Variants in IQCM observed in about 807,000 individuals in gnomAD.
IQCM encodes the protein IQ motif containing M.
IQCM carries 45 observed loss-of-function variants against 57.6 expected under a neutral mutation model. That is an observed-to-expected ratio of 0.78 (90% CI 0.62 to 1.00). The LOEUF is 1.00. Among genes scored for constraint, IQCM ranks in the 50% least tolerant of loss-of-function variants. IQCM has a pLI of 0.00. For missense variants in IQCM, 468 were observed against 511.6 expected (o/e 0.91, Z 0.82); for synonymous variants, 148 against 158.9 (o/e 0.93, Z 0.51).
At chr4:149,789,785 C>T (rs901865279) in intron 2 of IQCM, among the ~76,000 whole-genome samples, 2 of 149,764 alleles carry the variant, frequency 1.3e-5, no homozygotes, top group African/African-American at 5.1e-5. Context: ...GCCTGTGGTC[C>T]CAGATACTCA....
intron 13 of IQCM, among the ~76,000 whole-genome samples, chr4:149,366,275 G>A (rs549490276): frequency 1.4e-4 from 21 of 152,122 alleles, no homozygotes; most frequent in Admixed American, 5.9e-4. Flanking sequence ...ACTGGCTTGT[G>A]AAAACCTAGG....
rs531142744 is a variant in IQCM at position 149,379,929 on chromosome 4, G to T, written c.1391-27863C>A. 4.9e-4 allele frequency among the ~76,000 whole-genome samples: 75 copies of T among 152,226 alleles called. 1 individual carries two copies. The South Asian group carries it at 0.016, about 32-fold the overall frequency. On this transcript the variant is annotated intron_variant, in intron 13 of 13. Coordinates refer to ENST00000636793, the MANE Select transcript of IQCM (RefSeq NM_001363507.2). ...AGTGGGAGACAATTGAATCAAGGGG[G>T]TGGTTCCCCCATACTGTTCTCATGG...
At position 149,426,206 on chromosome 4, in the gene IQCM, C is replaced by G. The variant is rs889149915; in HGVS notation, c.1390+7190G>C. ...ACCGGTTTTAAATATCAACCAGTGA[C>G]AGCTAAACTTAGTAAACACACTTCT... is the stretch of plus-strand genomic sequence containing the variant. On this transcript the variant is annotated intron_variant, in intron 13 of 13. Transcript: ENST00000636793. Among the ~76,000 whole-genome samples, 20 of 152,104 alleles carry G rather than the reference C, an allele frequency of 1.3e-4. No individual in the cohort carries two copies. In the South Asian group the frequency reaches 4.1e-3, roughly 32 times the overall value.
intron 11 of IQCM, among the ~76,000 whole-genome samples, chr4:149,551,299 T>C (rs943512055): frequency 5.3e-5 from 8 of 152,206 alleles, no homozygotes; most frequent in African/African-American, 1.7e-4. Context: ...TATAAGACTT[T>C]TACTGAAAAA....
At chr4:149,756,884 A>G (rs1424984735) in intron 2 of IQCM, among the ~76,000 whole-genome samples, 2 of 152,224 alleles carry the variant, frequency 1.3e-5, no homozygotes, top group Non-Finnish European at 2.9e-5. Context: ...GTAACATTTA[A>G]TAGAATAGAA....
chr4:149,793,960 A>C (rs1772879386), intron 2 of IQCM, among the ~76,000 whole-genome samples: 2 of 152,354 alleles, frequency 1.3e-5, no homozygotes, highest in Admixed American at 6.5e-5. Flanking sequence ...AATAGCAAAA[A>C]GTGAATGAGG....
intron 10 of IQCM, among the ~76,000 whole-genome samples, chr4:149,559,561 C>T (rs1325613789): frequency 6.6e-6 from 1 of 152,126 alleles, no homozygotes; most frequent in Non-Finnish European, 1.5e-5. Flanking sequence ...GGTTAAATGG[C>T]CTTTCTAAAT....
chr4:149,682,298 C>T (rs1762236179), intron 6 of IQCM, 92 bp from the exon 7 acceptor site: 4 of 460,208 alleles, frequency 8.7e-6, no homozygotes, highest in Non-Finnish European at 1.4e-5. Flanking sequence ...AAATGCTAAT[C>T]ATAGAAAACC....
At chr4:149,765,954 C>T (rs1770004812) in intron 2 of IQCM, among the ~76,000 whole-genome samples, 1 of 152,060 alleles carries the variant, frequency 6.6e-6, no homozygotes, top group South Asian at 2.1e-4. Flanking sequence ...TCATCCCCAA[C>T]CAATTAGCAG....
rs144844884 is a variant in IQCM, at chr4:149,501,868, C to T, written c.1228+46587G>A. Among the ~76,000 whole-genome samples the T allele has an allele frequency of 3.8e-3, 575 of 152,190 alleles. 3 individuals carry two copies. Among genetic ancestry groups the T allele is most frequent in the Non-Finnish European group, 6.4e-3 (432 of 68,018 alleles). On this transcript the variant is annotated intron_variant, in intron 12 of 13. Coordinates refer to ENST00000636793, the MANE Select transcript of IQCM (RefSeq NM_001363507.2). ...AGCAGCAGCAGATCAGGAAGGTTGACCCTGGTGCAAGGCTGAGACCAAAAG... is the reference window on the plus strand; with the variant it reads ...AGCAGCAGCAGATCAGGAAGGTTGATCCTGGTGCAAGGCTGAGACCAAAAG...
At chr4:149,594,094 T>G (rs1392987394) in intron 8 of IQCM, among the ~76,000 whole-genome samples, 1 of 152,194 alleles carries the variant, frequency 6.6e-6, no homozygotes, top group Non-Finnish European at 1.5e-5. Context: ...TCCCGGACTA[T>G]TTTTGATTGG....
chr4:149,732,770 T>C (rs1766579490), intron 5 of IQCM, among the ~76,000 whole-genome samples: 1 of 152,200 alleles, frequency 6.6e-6, no homozygotes, highest in African/African-American at 2.4e-5. Context: ...CGATCTCTAA[T>C]TTACACCTAC....
intron 12 of IQCM, among the ~76,000 whole-genome samples, chr4:149,497,223 C>G (rs1273701495): frequency 6.6e-6 from 1 of 152,012 alleles, no homozygotes; most frequent in Non-Finnish European, 1.5e-5. Context: ...GGAGGAGGAG[C>G]CTCAGGGAAG....
intron 7 of IQCM, among the ~76,000 whole-genome samples, chr4:149,627,242 A>G (rs1233222528): frequency 6.6e-6 from 1 of 152,174 alleles, no homozygotes; most frequent in Non-Finnish European, 1.5e-5. Flanking sequence ...GAAAGTCTCC[A>G]CCTCAGCAGA....
intron 2 of IQCM, among the ~76,000 whole-genome samples, chr4:149,759,607 C>G (rs562450856): frequency 1.3e-5 from 2 of 152,108 alleles, no homozygotes; most frequent in African/African-American, 2.4e-5. Context: ...AATCTCTATA[C>G]TTTCCTCTTA....
At chr4:149,468,546 G>C (rs966109723) in intron 12 of IQCM, among the ~76,000 whole-genome samples, 1 of 151,618 alleles carries the variant, frequency 6.6e-6, no homozygotes, top group Non-Finnish European at 1.5e-5. Flanking sequence ...TCCACCTCTG[G>C]GGGCAGGGCA....
intron 12 of IQCM, among the ~76,000 whole-genome samples, chr4:149,541,867 T>G (rs111242988): frequency 0.017 from 2,520 of 152,194 alleles, 78 homozygotes; most frequent in African/African-American, 0.058. Context: ...TAGTTACATA[T>G]GCGCTCAGGT....
At chr4:149,355,333 A>G (rs1025791371) in intron 13 of IQCM, among the ~76,000 whole-genome samples, 8 of 151,738 alleles carry the variant, frequency 5.3e-5, no homozygotes, top group Non-Finnish European at 1.0e-4. Flanking sequence ...ATGTTGGTGT[A>G]CTGCACCCAT....
intron 5 of IQCM, among the ~76,000 whole-genome samples, chr4:149,699,498 A>G (rs917586131): frequency 1.3e-5 from 2 of 151,958 alleles, no homozygotes; most frequent in Non-Finnish European, 2.9e-5. Flanking sequence ...GCCTTTGCTC[A>G]GGCTTACTGG....
Sources: gnomAD v4.1 joint callset for allele counts (sites outside exome capture counted in the v4.1 genomes callset) on GRCh38, gnomAD v4.1.1 for gene constraint, MANE v1.5 for transcripts, NCBI Gene and HGNC (gene_info 2026-07-23, HGNC 2026-07-21) for gene names.